Variants in NPHP1 observed in about 807,000 individuals in gnomAD.
NPHP1 encodes nephrocystin 1.
A neutral mutation model predicts 90.4 loss-of-function variants in NPHP1; 70 were observed. The ratio of observed to expected loss-of-function variants is 0.77; its 90% CI spans 0.64 to 0.95. The LOEUF (loss-of-function observed/expected upper bound fraction) is 0.95. Among genes scored for constraint, NPHP1 ranks in the 40% least tolerant of loss-of-function variants. The probability of loss-of-function intolerance (pLI) is 0.00; values close to 1 mark genes in which losing one functional copy is unlikely to be tolerated. For missense variants in NPHP1, 764 were observed against 795.9 expected (o/e 0.96, Z 0.48); for synonymous variants, 256 against 271.7 (o/e 0.94, Z 0.57).
intron 4 of NPHP1, among the ~76,000 whole-genome samples, chr2:110,172,913 G>T (rs1331402046): frequency 6.6e-6 from 1 of 151,154 alleles, no homozygotes; most frequent in Non-Finnish European, 1.5e-5. Context: ...TTATATAGAA[G>T]TGTGTGACAA....
intron 16 of NPHP1, among the ~76,000 whole-genome samples, chr2:110,134,572 A>C (rs574521084): frequency 6.6e-6 from 1 of 151,956 alleles, no homozygotes; most frequent in South Asian, 2.1e-4. Flanking sequence ...CTGAATATTG[A>C]TGCAAAATCC....
At chr2:110,181,440 G>T (rs1010190349) in intron 2 of NPHP1, among the ~76,000 whole-genome samples, 3 of 152,114 alleles carry the variant, frequency 2.0e-5, no homozygotes, top group African/African-American at 7.2e-5. Flanking sequence ...GAAGGAGCTG[G>T]CTGCCATATT....
At chr2:110,124,180 C>A in intron 19 of NPHP1, 117 bp from the exon 20 acceptor site, 1 of 1,151,902 alleles carries the variant, frequency 8.7e-7, no homozygotes, top group Non-Finnish European at 1.3e-6. Flanking sequence ...TAGTGCCTGG[C>A]AGGTATCGGC....
In NPHP1 at chr2:110,160,064, G is replaced by T. The variant is rs530773331; in HGVS notation, c.1083+63C>A. ...AATTGGGGAGGAGTTGAATGGAAAA[G>T]AATCTAAGGGAATGTTTCTCCATAA... On this transcript the variant is annotated intron_variant, in intron 11 of 19. Coordinates refer to ENST00000445609, the MANE Select transcript of NPHP1 (RefSeq NM_001128178.3). 23 of 1,550,054 alleles carry T rather than the reference G, an allele frequency of 1.5e-5. No homozygotes were observed. In the East Asian group the frequency reaches 3.8e-4, roughly 26 times the overall value.
chr2:110,196,085 T>C (rs1228236749), intron 2 of NPHP1, among the ~76,000 whole-genome samples: 3 of 152,008 alleles, frequency 2.0e-5, no homozygotes, highest in Non-Finnish European at 2.9e-5. Context: ...ATTCAGGACA[T>C]AGGCATGGGC....
At chr2:110,177,219 T>TTA (rs1242314448) in intron 4 of NPHP1, among the ~76,000 whole-genome samples, 2 of 152,108 alleles carry the variant, frequency 1.3e-5, no homozygotes, top group African/African-American at 2.4e-5. Flanking sequence ...TGTCCAGACT[T>TTA]TATAGTCATT....
In NPHP1 at chr2:110,173,534, T is replaced by C. The variant is rs56166465; in HGVS notation, c.330-3536A>G. On this transcript the variant is annotated intron_variant, in intron 4 of 19. Transcript: ENST00000445609. Reference sequence around the variant, plus strand: ...TGATGGCCCCATACATATAATACCATATTTTTACTGTACATTTCCTATTTT... The same window carrying C: ...TGATGGCCCCATACATATAATACCACATTTTTACTGTACATTTCCTATTTT... Among the ~76,000 whole-genome samples the C allele has an allele frequency of 6.2e-3, 949 of 152,292 alleles. 8 individuals are homozygous for C. The highest frequency in any genetic ancestry group is 0.022 in the African/African-American group (915 of 41,572).
At chr2:110,156,934 G>A (rs1681941871) in intron 11 of NPHP1, among the ~76,000 whole-genome samples, 4 of 151,942 alleles carry the variant, frequency 2.6e-5, no homozygotes, top group Non-Finnish European at 5.9e-5. Context: ...ACGCCACCAC[G>A]TCCAGCTAAT....
Position 110,146,776 on chromosome 2 carries a change from GGC to G in NPHP1, c.1327_1328del (p.Ala443GlnfsTer11). On this transcript the variant is annotated frameshift_variant, in exon 14 of 20. Coordinates refer to ENST00000445609, the MANE Select transcript of NPHP1 (RefSeq NM_001128178.3). LOFTEE classifies it high-confidence loss of function. ...ACTTTGCTGGAATAGGAACTCCACT[GGC>G]ATCAAAAAGTTTAAGAAACACCCAG... is the stretch of plus-strand genomic sequence containing the variant. The part of the protein sequence containing the change: ...CGWVFLKLFD[A>X]SGVPIPAKTY... 6.2e-7 allele frequency: 1 copy of G among 1,612,530 alleles called. No individual in the cohort carries two copies. The highest frequency in any genetic ancestry group is 8.5e-7 in the Non-Finnish European group (1 of 1,178,646).
At chr2:110,185,460 C>T (rs1350484828) in intron 2 of NPHP1, among the ~76,000 whole-genome samples, 6 of 152,168 alleles carry the variant, frequency 3.9e-5, no homozygotes, top group African/African-American at 1.4e-4. Flanking sequence ...TCAGGTGGGC[C>T]TCTGACTGGC....
At chr2:110,197,136 G>A (rs143050339) in intron 2 of NPHP1, among the ~76,000 whole-genome samples, 1 of 152,182 alleles carries the variant, frequency 6.6e-6, no homozygotes, top group African/African-American at 2.4e-5. Context: ...TAGGAAGGAG[G>A]TATTAGAGGA....
intron 5 of NPHP1, 128 bp from the exon 6 acceptor site, chr2:110,168,681 A>G: frequency 1.5e-6 from 1 of 681,656 alleles, no homozygotes; most frequent in South Asian, 1.8e-5. Context: ...ATTTATCCTA[A>G]GGTTTATCAA....
intron 11 of NPHP1, among the ~76,000 whole-genome samples, chr2:110,155,007 G>T (rs1681783928): frequency 1.3e-5 from 2 of 152,110 alleles, no homozygotes; most frequent in Admixed American, 1.3e-4. Flanking sequence ...TCCCATCACA[G>T]GCCAGGAGGC....
chr2:110,173,076 C>T (rs562446527), intron 4 of NPHP1, among the ~76,000 whole-genome samples: 38 of 151,122 alleles, frequency 2.5e-4, no homozygotes, highest in Admixed American at 8.5e-4. Flanking sequence ...CTCCTGCCTC[C>T]GACTCCCGAG....
At chr2:110,199,762 C>T (rs1263478542) in intron 2 of NPHP1, among the ~76,000 whole-genome samples, 2 of 151,978 alleles carry the variant, frequency 1.3e-5, no homozygotes, top group African/African-American at 2.4e-5. Context: ...ATGGAATTAA[C>T]GAAATAATCT....
At position 110,165,109 on chromosome 2, in the gene NPHP1, C is replaced by T; in HGVS notation, c.671G>A (p.Ser224Asn). The T allele has an allele frequency of 1.2e-6, 2 of 1,613,836 alleles. No homozygotes were observed. The highest frequency in any genetic ancestry group is 8.5e-7 in the Non-Finnish European group (1 of 1,179,802). The change falls in exon 7 of 20, where the codon AGT (serine) becomes AAT (asparagine). Residue 224 changes from serine to asparagine, a missense_variant. Coordinates refer to ENST00000445609, the MANE Select transcript of NPHP1 (RefSeq NM_001128178.3). ...ATCCACCGCCTCTACATCTTCTTCA[C>T]TGCCCTCTTCACTTGACTCTTGGCC... ...EEGQESSEEG[S>N]EEDVEAVDET...
intron 7 of NPHP1, 136 bp from the exon 8 acceptor site, chr2:110,164,866 G>C: frequency 1.1e-6 from 1 of 930,772 alleles, no homozygotes; most frequent in South Asian, 1.3e-5. Flanking sequence ...ACGAGGTAGA[G>C]CTAAATGTAT....
At chr2:110,146,630 A>G in intron 14 of NPHP1, 123 bp downstream of exon 14, 1 of 741,636 alleles carries the variant, frequency 1.3e-6, no homozygotes, top group Non-Finnish European at 2.5e-6. Context: ...ACTAAAGTCA[A>G]CATAAAAAGT....
intron 2 of NPHP1, among the ~76,000 whole-genome samples, chr2:110,189,368 G>A (rs1684523767): frequency 6.6e-6 from 1 of 152,060 alleles, no homozygotes; most frequent in Non-Finnish European, 1.5e-5. Flanking sequence ...CGCTGGCTCA[G>A]GAGTGAAGCT....
Sources: allele counts gnomAD v4.1 joint callset (sites outside exome capture counted in the v4.1 genomes callset), GRCh38; gene constraint gnomAD v4.1.1; transcripts MANE v1.5; gene names NCBI Gene and HGNC (gene_info 2026-07-23, HGNC 2026-07-21).